Variants in LHFPL2 observed in about 807,000 individuals in gnomAD.
LHFPL2 encodes LHFPL tetraspan subfamily member 2 protein.
Under a neutral mutation model 17.5 loss-of-function variants are expected in LHFPL2, and 7 were observed. That is an observed-to-expected ratio of 0.40 (90% CI 0.23 to 0.75). LHFPL2 has a LOEUF of 0.75. Ranked by LOEUF, LHFPL2 falls within the 30% of genes least tolerant of loss-of-function variation. LHFPL2 has a pLI of 0.37. For synonymous variants in LHFPL2, 134 were observed against 116.2 expected (o/e 1.15, Z -0.99); for missense variants, 241 against 294.8 (o/e 0.82, Z 1.34).
intron 3 of LHFPL2, among the ~76,000 whole-genome samples, chr5:78,535,729 C>A (rs1430188126): frequency 2.6e-5 from 4 of 152,210 alleles, no homozygotes; most frequent in African/African-American, 9.7e-5. Flanking sequence ...CTAGCCCCGA[C>A]ACTGCCGCAT....
intron 3 of LHFPL2, among the ~76,000 whole-genome samples, chr5:78,523,066 G>A (rs951733657): frequency 6.6e-6 from 1 of 152,072 alleles, no homozygotes; most frequent in Non-Finnish European, 1.5e-5. Context: ...CAAGACAGAA[G>A]TGGCTGATAA....
At chr5:78,519,774 C>T (rs956945376) in intron 3 of LHFPL2, among the ~76,000 whole-genome samples, 31 of 152,254 alleles carry the variant, frequency 2.0e-4, no homozygotes, top group African/African-American at 5.5e-4. Flanking sequence ...TCCCTTGACC[C>T]GGCATAAATG....
At chr5:78,532,086 A>G (rs941597159) in intron 3 of LHFPL2, among the ~76,000 whole-genome samples, 6 of 151,980 alleles carry the variant, frequency 3.9e-5, no homozygotes, top group Non-Finnish European at 7.4e-5. Context: ...CACCACACCC[A>G]GCTAATTTTG....
chr5:78,575,922 C>T (rs1757119577), intron 2 of LHFPL2, among the ~76,000 whole-genome samples: 1 of 152,224 alleles, frequency 6.6e-6, no homozygotes, highest in African/African-American at 2.4e-5. Flanking sequence ...GAGACAGGGT[C>T]TTGCTCTGTC....
chr5:78,637,295 G>T (rs559231343), intron 1 of LHFPL2, among the ~76,000 whole-genome samples: 1 of 151,978 alleles, frequency 6.6e-6, no homozygotes, highest in South Asian at 2.1e-4. Context: ...GTGGGAAAAT[G>T]CAGGTTTAAT....
At chr5:78,645,790 C>T (rs914997082) in intron 1 of LHFPL2, among the ~76,000 whole-genome samples, 3 of 152,220 alleles carry the variant, frequency 2.0e-5, no homozygotes, top group Middle Eastern at 3.4e-3. Context: ...GCTATGTTGG[C>T]CAGGGTGGTC....
At chr5:78,584,266 GC>G (rs1305241332) in intron 2 of LHFPL2, among the ~76,000 whole-genome samples, 1 of 152,152 alleles carries the variant, frequency 6.6e-6, no homozygotes, top group Non-Finnish European at 1.5e-5. Context: ...ATCATCTGAA[GC>G]CTTCTTCTCT....
chr5:78,540,429 G>A (rs1300943320), intron 3 of LHFPL2, among the ~76,000 whole-genome samples: 1 of 152,068 alleles, frequency 6.6e-6, no homozygotes, highest in Admixed American at 6.5e-5. Flanking sequence ...TCCTCCTTTC[G>A]GTTCCAAAAT....
At chr5:78,511,810 A>G (rs1755136855) in intron 3 of LHFPL2, among the ~76,000 whole-genome samples, 1 of 152,154 alleles carries the variant, frequency 6.6e-6, no homozygotes, top group African/African-American at 2.4e-5. Flanking sequence ...ACAAGATGCT[A>G]TTTTGGGGAC....
chr5:78,486,071 G>C lies in LHFPL2; in HGVS notation c.*2826C>G, dbSNP rs1337799417. ...TATTGCACATCTTTCACACAAACTT[G>C]TGTATGTATAATATACATATATATT... On this transcript the variant is annotated 3_prime_UTR_variant, in exon 5 of 5. Coordinates refer to ENST00000380345, the MANE Select transcript of LHFPL2 (RefSeq NM_005779.3). The C allele has an allele frequency of 6.6e-6, 1 of 152,494 alleles. No individual in the cohort carries two copies. Among genetic ancestry groups the C allele is most frequent in the Non-Finnish European group, 1.5e-5 (1 of 68,022 alleles). The allele number at this position is 152,494 out of a possible 1,614,324, so 9.4% of individuals were successfully genotyped here.
At chr5:78,490,412 GC>G (rs1188295435) in intron 4 of LHFPL2, among the ~76,000 whole-genome samples, 1 of 151,956 alleles carries the variant, frequency 6.6e-6, no homozygotes, top group Non-Finnish European at 1.5e-5. Flanking sequence ...GGCAACCTAG[GC>G]CCCCCCAGAT....
At chr5:78,535,043 A>G (rs1755904398) in intron 3 of LHFPL2, among the ~76,000 whole-genome samples, 1 of 152,232 alleles carries the variant, frequency 6.6e-6, no homozygotes, top group Non-Finnish European at 1.5e-5. Context: ...AAAAAACCCA[A>G]CGACTTCTTA....
At chr5:78,597,744 T>A (rs1395195859) in intron 2 of LHFPL2, among the ~76,000 whole-genome samples, 1 of 152,150 alleles carries the variant, frequency 6.6e-6, no homozygotes, top group Non-Finnish European at 1.5e-5. Flanking sequence ...TGATGGTATG[T>A]TACAGGAATA....
At chr5:78,494,314 C>A (rs999099919) in intron 4 of LHFPL2, 3 of 966,090 alleles carry the variant, frequency 3.1e-6, no homozygotes, top group Non-Finnish European at 3.7e-6. Flanking sequence ...CCAAAGACAA[C>A]GCAGCCACCA....
chr5:78,614,168 T>C (rs919150694), intron 2 of LHFPL2, among the ~76,000 whole-genome samples: 5 of 152,230 alleles, frequency 3.3e-5, no homozygotes, highest in African/African-American at 4.8e-5. Context: ...ATGGGTGAAA[T>C]ATGGCTAGAC....
At chr5:78,622,179 C>A (rs1744878091) in intron 2 of LHFPL2, among the ~76,000 whole-genome samples, 1 of 151,152 alleles carries the variant, frequency 6.6e-6, no homozygotes, top group Non-Finnish European at 1.5e-5. Flanking sequence ...GAGCAGGCTT[C>A]AAAAGCGACA....
At chr5:78,504,025 T>C (rs546206982) in intron 4 of LHFPL2, among the ~76,000 whole-genome samples, 1 of 152,292 alleles carries the variant, frequency 6.6e-6, no homozygotes, top group East Asian at 1.9e-4. Flanking sequence ...GCATTTTTTT[T>C]ACTTTTTACC....
intron 2 of LHFPL2, among the ~76,000 whole-genome samples, chr5:78,574,053 C>G (rs1044158746): frequency 3.9e-5 from 6 of 152,206 alleles, no homozygotes; most frequent in African/African-American, 1.2e-4. Flanking sequence ...GAAAATTTCT[C>G]TTTTAATGCC....
chr5:78,515,936 G>A (rs898375421), intron 3 of LHFPL2, among the ~76,000 whole-genome samples: 2 of 152,128 alleles, frequency 1.3e-5, no homozygotes, highest in African/African-American at 4.8e-5. Context: ...CAGGTCACAG[G>A]GCCCAGTGAC....
Sources: allele counts gnomAD v4.1 joint callset (sites outside exome capture counted in the v4.1 genomes callset), GRCh38; gene constraint gnomAD v4.1.1; transcripts MANE v1.5; gene names NCBI Gene and HGNC (gene_info 2026-07-23, HGNC 2026-07-21).